LYPLAL1: variants seen among roughly 807,000 people sequenced by gnomAD.
LYPLAL1 encodes the protein lysophospholipase-like protein 1.
Under a neutral mutation model 19.7 loss-of-function variants are expected in LYPLAL1, and 23 were observed. That is an observed-to-expected ratio of 1.17 (90% CI 0.84 to 1.65). LYPLAL1 has a LOEUF of 1.65. Ranked by LOEUF, LYPLAL1 falls within the 40% of genes most tolerant of loss-of-function variation. The pLI, the probability that LYPLAL1 is intolerant of heterozygous loss-of-function variation, is 0.00. For missense variants in LYPLAL1, 355 were observed against 279.4 expected (o/e 1.27, Z -1.93); for synonymous variants, 119 against 96.3 (o/e 1.24, Z -1.38).
At chr1:219,331,470 C>G in the LYPLAL1 span, among the ~76,000 whole-genome samples, 8 of 152,250 alleles carry the variant, frequency 5.3e-5, no homozygotes, top group African/African-American at 1.4e-4. Flanking sequence ...TATTTCTCAT[C>G]TTCTTTGGAC....
the LYPLAL1 span, among the ~76,000 whole-genome samples, chr1:219,241,134 C>CTATATATATATA: frequency 1.1e-3 from 48 of 44,320 alleles, no homozygotes; most frequent in East Asian, 1.6e-3. Context: ...CTCTCTCTCT[C>CTATATATATATA]TATATATATA....
chr1:219,423,442 G>A, the LYPLAL1 span, among the ~76,000 whole-genome samples: 25 of 152,140 alleles, frequency 1.6e-4, no homozygotes, highest in Non-Finnish European at 2.8e-4. Context: ...TGGGCTTTGA[G>A]CAGTAGATTG....
At chr1:219,214,300 C>CT (rs1659208544), downstream of LYPLAL1, among the ~76,000 whole-genome samples, 1 of 151,990 alleles carries the variant, frequency 6.6e-6, no homozygotes, top group South Asian at 2.1e-4. Context: ...ATGTTTGTGT[C>CT]TATGTTCACG....
downstream of LYPLAL1, among the ~76,000 whole-genome samples, chr1:219,213,517 A>G (rs1436429935): frequency 6.6e-6 from 1 of 151,818 alleles, no homozygotes; most frequent in Non-Finnish European, 1.5e-5. Flanking sequence ...GAGAATTTGC[A>G]TCCTTACTAT....
At chr1:219,428,964 T>C in the LYPLAL1 span, among the ~76,000 whole-genome samples, 1 of 152,218 alleles carries the variant, frequency 6.6e-6, no homozygotes, top group African/African-American at 2.4e-5. Flanking sequence ...GGTGTGTGCA[T>C]GCACGTGTGT....
chr1:219,189,056 C>T (rs1656943909), intron 2 of LYPLAL1, among the ~76,000 whole-genome samples: 1 of 151,582 alleles, frequency 6.6e-6, no homozygotes, highest in East Asian at 1.9e-4. Flanking sequence ...TTTTAATTTT[C>T]TTAGCTACCA....
At chr1:219,370,213 C>A in the LYPLAL1 span, among the ~76,000 whole-genome samples, 1 of 152,164 alleles carries the variant, frequency 6.6e-6, no homozygotes, top group Admixed American at 6.5e-5. Context: ...GAAACTGATT[C>A]TCCGATCTGA....
chr1:219,406,792 A>C, the LYPLAL1 span, among the ~76,000 whole-genome samples: 26,961 of 147,618 alleles, frequency 0.18, 2,515 homozygotes, highest in East Asian at 0.28. Context: ...AGAAAAAAAA[A>C]CCCTGCATTT....
chr1:219,396,924 G>A, the LYPLAL1 span, among the ~76,000 whole-genome samples: 220 of 152,224 alleles, frequency 1.4e-3, 1 homozygote, highest in African/African-American at 5.1e-3. Flanking sequence ...CTTGCTGATT[G>A]CTCTGGCTAG....
chr1:219,180,518 G>T (rs941655337), intron 2 of LYPLAL1, among the ~76,000 whole-genome samples: 13 of 152,268 alleles, frequency 8.5e-5, no homozygotes, highest in African/African-American at 2.9e-4. Flanking sequence ...GAGTTTAAAA[G>T]TTTGGTAATC....
chr1:219,322,028 A>G, the LYPLAL1 span, among the ~76,000 whole-genome samples: 2 of 152,190 alleles, frequency 1.3e-5, no homozygotes, highest in African/African-American at 4.8e-5. Context: ...TAGCACACCT[A>G]TATTTAGTTT....
chr1:219,310,102 A>C, the LYPLAL1 span, among the ~76,000 whole-genome samples: 1 of 152,336 alleles, frequency 6.6e-6, no homozygotes, highest in Non-Finnish European at 1.5e-5. Context: ...CAGCTTTGCT[A>C]TTTACTGATG....
At chr1:219,410,865 G>A in the LYPLAL1 span, among the ~76,000 whole-genome samples, 7 of 152,338 alleles carry the variant, frequency 4.6e-5, no homozygotes, top group Admixed American at 3.9e-4. Context: ...TCGATTTCTC[G>A]CCGGGCCTTG....
the LYPLAL1 span, among the ~76,000 whole-genome samples, chr1:219,353,535 A>G: frequency 6.6e-6 from 1 of 152,250 alleles, no homozygotes; most frequent in Non-Finnish European, 1.5e-5. Flanking sequence ...TGATAGGAGG[A>G]CAGGACCTCA....
At chr1:219,445,026 T>C in the LYPLAL1 span, among the ~76,000 whole-genome samples, 10 of 151,774 alleles carry the variant, frequency 6.6e-5, no homozygotes, top group Admixed American at 1.3e-4. Context: ...CAATATGCTT[T>C]CTAGACCACA....
the LYPLAL1 span, among the ~76,000 whole-genome samples, chr1:219,325,134 G>A: frequency 6.6e-6 from 1 of 152,120 alleles, no homozygotes; most frequent in African/African-American, 2.4e-5. Flanking sequence ...AACACTTGCC[G>A]AGCAGTGGGT....
Position 219,173,950 on chromosome 1 carries a change from T to G in LYPLAL1, c.60T>G (p.His20Gln), listed in dbSNP as rs140183886. Residue 20 changes from histidine (H) to glutamine (Q), a missense_variant, in exon 1 of 5, where the codon CAT (histidine) becomes CAG (glutamine). Coordinates refer to ENST00000366928, the MANE Select transcript of LYPLAL1 (RefSeq NM_138794.5). ...QRCIVSPAGR[H>Q]SASLIFLHGS... Reference sequence around the variant, plus strand: ...GTATCGTGTCGCCGGCAGGGAGGCATAGCGCCTCTCTGATCTTCCTGCATG... The same window carrying G: ...GTATCGTGTCGCCGGCAGGGAGGCAGAGCGCCTCTCTGATCTTCCTGCATG... 7.4e-6 allele frequency: 12 copies of G among 1,614,024 alleles called. No homozygotes were observed. In the South Asian group the frequency reaches 1.2e-4, roughly 16 times the overall value.
At chr1:219,229,294 T>TGAGAGAGAGAGAGA in the LYPLAL1 span, among the ~76,000 whole-genome samples, 223 of 132,996 alleles carry the variant, frequency 1.7e-3, no homozygotes, top group African/African-American at 4.4e-3. Context: ...ACAAGCATTT[T>TGAGAGAGAGAGAGA]GAGAGAGAGA....
At chr1:219,354,209 T>A in the LYPLAL1 span, among the ~76,000 whole-genome samples, 323 of 152,310 alleles carry the variant, frequency 2.1e-3, 1 homozygote, top group African/African-American at 7.0e-3. Context: ...CACTTTTTTT[T>A]AAATTGAGAT....
Sources: allele counts gnomAD v4.1 joint callset (sites outside exome capture counted in the v4.1 genomes callset), GRCh38; gene constraint gnomAD v4.1.1; transcripts MANE v1.5; gene names NCBI Gene and HGNC (gene_info 2026-07-23, HGNC 2026-07-21).